The following UBN1 variants were observed in gnomAD, a reference collection of about 807,000 sequenced individuals.
The protein encoded by UBN1 is ubinuclein-1.
UBN1 carries 17 observed loss-of-function variants against 108.5 expected under a neutral mutation model. That is an observed-to-expected ratio of 0.16 (90% CI 0.11 to 0.24). UBN1 has a LOEUF of 0.24. Ranked by LOEUF, UBN1 falls within the 10% of genes least tolerant of loss-of-function variation. UBN1 has a pLI of 1.00. For missense variants in UBN1, 1,595 were observed against 1,394.4 expected (o/e 1.14, Z -2.29); for synonymous variants, 726 against 564.2 (o/e 1.29, Z -4.07).
At position 4,860,073 on chromosome 16, in the gene UBN1, G is replaced by A. The variant is rs960453909; in HGVS notation, c.671+105G>A. 2.9e-5 allele frequency: 43 copies of A among 1,470,532 alleles called. No homozygotes were observed. The African/African-American group carries it at 4.1e-4, about 14-fold the overall frequency. The allele number at this position is 1,470,532 out of a possible 1,614,324, so 91.1% of individuals were successfully genotyped here. A position where few individuals can be genotyped will look rare whatever the true frequency, so the allele number is the denominator to read the frequency against. ...CCACAGCTTCGGAAGAGGCAGCAGG[G>A]CCTGGCCTTCCTGTCCTCCCGCACG... is the stretch of plus-strand genomic sequence containing the variant. On this transcript the variant is annotated intron_variant, in intron 6 of 17. Coordinates refer to ENST00000262376, the MANE Select transcript of UBN1 (RefSeq NM_001079514.3).
Position 4,874,202 on chromosome 16 carries a change from T to G in UBN1, c.1801-9T>G. 3 of 1,536,204 alleles carry G rather than the reference T, an allele frequency of 2.0e-6. No individual in the cohort carries two copies. In the Admixed American group the frequency reaches 6.3e-5, roughly 32 times the overall value. ...CTTTCTAAACATCAACATTTCTGTT[T>G]TCCTTTAGGAATCGTCTACGAAGCC... On this transcript the variant is annotated splice_polypyrimidine_tract_variant and intron_variant, in intron 14 of 17. Transcript: ENST00000262376.
In UBN1 at chr16:4,880,969, T is replaced by C. The variant is rs1018603743; in HGVS notation, c.*837T>C. 3.9e-5 allele frequency: 6 copies of C among 152,420 alleles called. No homozygotes were observed. Among genetic ancestry groups the C allele is most frequent in the Non-Finnish European group, 8.8e-5 (6 of 68,036 alleles). The allele number at this position is 152,420 out of a possible 1,614,324, so 9.4% of individuals were successfully genotyped here. A position where few individuals can be genotyped will look rare whatever the true frequency, so the allele number is the denominator to read the frequency against. On this transcript the variant is annotated 3_prime_UTR_variant, in exon 18 of 18. Coordinates refer to ENST00000262376, the MANE Select transcript of UBN1 (RefSeq NM_001079514.3). Reference sequence around the variant, plus strand: ...GAAGACCTTTTTAAAGATATGTCTGTATTGAAGAGAAAGCCAGTTTTGAGT... The same window carrying C: ...GAAGACCTTTTTAAAGATATGTCTGCATTGAAGAGAAAGCCAGTTTTGAGT...
chr16:4,870,359 G>A lies in UBN1; in HGVS notation c.1311+18G>A. ...ATGAACAGGTGGGTGACTCTAGAGT[G>A]AAGCCCTTTGGCTTTGGGGTCCTGG... On this transcript the variant is annotated intron_variant, in intron 9 of 17. Coordinates refer to ENST00000262376, the MANE Select transcript of UBN1 (RefSeq NM_001079514.3). 1 of 1,613,622 alleles carries A rather than the reference G, an allele frequency of 6.2e-7. No individual in the cohort carries two copies. Among genetic ancestry groups the A allele is most frequent in the South Asian group, 1.1e-5 (1 of 90,970 alleles).
chr16:4,869,869 C>T (rs529477593), intron 8 of UBN1, among the ~76,000 whole-genome samples: 3 of 152,144 alleles, frequency 2.0e-5, no homozygotes, highest in African/African-American at 2.4e-5. Context: ...GAAGTGTCTC[C>T]TTTGAACCCC....
chr16:4,868,777 G>T, intron 7 of UBN1, 56 bp from the exon 8 acceptor site: 1 of 1,576,654 alleles, frequency 6.3e-7, no homozygotes, highest in Non-Finnish European at 8.7e-7. Flanking sequence ...GTGGGTGAGC[G>T]TAAGGGACAT....
Position 4,880,171 on chromosome 16 carries a change from G to A in UBN1, c.*39G>A. 1 of 1,608,162 alleles carries A rather than the reference G, an allele frequency of 6.2e-7. No homozygotes were observed. Among genetic ancestry groups the A allele is most frequent in the Non-Finnish European group, 8.5e-7 (1 of 1,174,826 alleles). ...AAGGCTTGCCACTTGGGTCTGGGTG[G>A]AATCAGAACGTGCAGGTCTCCCAGG... is the stretch of plus-strand genomic sequence containing the variant. On this transcript the variant is annotated 3_prime_UTR_variant, in exon 18 of 18. Transcript: ENST00000262376.
Position 4,874,221 on chromosome 16 carries a change from C to T in UBN1, c.1811C>T (p.Thr604Met), listed in dbSNP as rs764346201. The change falls in exon 15 of 18, where the codon ACG (threonine) becomes ATG (methionine). Residue 604 changes from threonine to methionine, a missense_variant. Thr to Met is a moderately conservative substitution (Grantham distance 81, BLOSUM62 -1). This residue lies in a region of UBN1 where 1,398 missense variants were observed against 1,194.7 expected (regional missense o/e 1.17). Coordinates refer to ENST00000262376, the MANE Select transcript of UBN1 (RefSeq NM_001079514.3). ...TCTGTTTTCCTTTAGGAATCGTCTA[C>T]GAAGCCTGATAAAAAGGTTTCTGTC... is the stretch of plus-strand genomic sequence containing the variant. The part of the protein sequence containing the change: ...PSKIKVKESS[T>M]KPDKKVSVPS... 2.9e-5 allele frequency: 45 copies of T among 1,557,626 alleles called. No homozygotes were observed. In the African/African-American group the frequency reaches 5.0e-4, roughly 17 times the overall value.
Position 4,868,851 on chromosome 16 carries a change from G to A in UBN1, c.1129G>A (p.Gly377Arg), listed in dbSNP as rs748116764. The A allele has an allele frequency of 1.2e-6, 2 of 1,613,904 alleles. No individual in the cohort carries two copies. Among genetic ancestry groups the A allele is most frequent in the South Asian group, 2.2e-5 (2 of 91,074 alleles). The change falls in exon 8 of 18, where the codon GGG becomes AGG. Residue 377 changes from glycine (G) to arginine (R), a missense_variant. Gly to Arg is a moderately radical substitution (Grantham distance 125). Coordinates refer to ENST00000262376, the MANE Select transcript of UBN1 (RefSeq NM_001079514.3). ...ELAQAARAAE[G>R]ESRQKFFTQD... ...GCACCAGGCTGCCAGAGCTGCTGAG[G>A]GGGAGAGCAGACAGAAGTTCTTCAC...
intron 5 of UBN1, among the ~76,000 whole-genome samples, chr16:4,859,395 G>T (rs1366662493): frequency 6.6e-6 from 1 of 152,192 alleles, no homozygotes; most frequent in Non-Finnish European, 1.5e-5. Context: ...CATCCCAGCA[G>T]GCTCAGCAGG....
chr16:4,877,070 C>T lies in UBN1; in HGVS notation c.3224C>T (p.Thr1075Ile). Residue 1075 changes from threonine to isoleucine, a missense_variant, in exon 16 of 18, where the codon ACA (threonine) becomes ATA (isoleucine). Around this residue, in one of 3 missense-constraint regions of UBN1, gnomAD observed 1,398 missense variants for 1,194.7 expected, o/e 1.17. Coordinates refer to ENST00000262376, the MANE Select transcript of UBN1 (RefSeq NM_001079514.3). The surrounding 1 kb of genome is among the most constrained non-coding windows in gnomAD (Gnocchi z 4.3). ...GGGGTCTCCAAGGATGCCATCGTCA[C>T]AGGCCCTGCCCCCGGGTCCTTCCAC... ...KAGVSKDAIVTGPAPGSFHHG... is the reference protein window; with the variant it reads ...KAGVSKDAIVIGPAPGSFHHG... The T allele has an allele frequency of 1.2e-6, 2 of 1,613,962 alleles. No homozygotes were observed. Among genetic ancestry groups the T allele is most frequent in the Non-Finnish European group, 1.7e-6 (2 of 1,179,908 alleles).
intron 7 of UBN1, among the ~76,000 whole-genome samples, chr16:4,866,088 G>T (rs2087316454): frequency 6.6e-6 from 1 of 152,192 alleles, no homozygotes; most frequent in African/African-American, 2.4e-5. Context: ...TAATGTAAGG[G>T]TGCTTCTCGA....
Position 4,870,219 on chromosome 16 carries a change from G to A in UBN1, c.1189G>A (p.Ala397Thr). The A allele has an allele frequency of 1.9e-6, 3 of 1,614,246 alleles. No homozygotes were observed. The highest frequency in any genetic ancestry group is 1.7e-5 in the Admixed American group (1 of 60,028). The change falls in exon 9 of 18, where the codon GCG becomes ACG. Residue 397 changes from alanine to threonine, a missense_variant. By Grantham distance (58) the Ala-to-Thr change is moderately conservative. Transcript: ENST00000262376. ...DINGILLDIEAQTRELSSQVR... is the reference protein window; with the variant it reads ...DINGILLDIETQTRELSSQVR... ...CTGTGTTTTGTTCTTCAGCATAGAGGCGCAGACTCGGGAGCTGAGCAGTCA... is the reference window on the plus strand; with the variant it reads ...CTGTGTTTTGTTCTTCAGCATAGAGACGCAGACTCGGGAGCTGAGCAGTCA...
chr16:4,850,548 G>A (rs1316262186), intron 1 of UBN1, among the ~76,000 whole-genome samples: 1 of 152,158 alleles, frequency 6.6e-6, no homozygotes, highest in Non-Finnish European at 1.5e-5. Context: ...ATATCCTGAG[G>A]GCCTTGGAGA....
rs751842571 is a variant in UBN1, at chr16:4,849,949, CA to C, written c.-40+1756del. On this transcript the variant is annotated intron_variant, in intron 1 of 17. Transcript: ENST00000262376. ...CAACAGGAGTGAGGCAACTGTCTCA[CA>C]AAAAAAAAAAAAAAAACCACAAAAA... is the stretch of plus-strand genomic sequence containing the variant. Among the ~76,000 whole-genome samples the C allele has an allele frequency of 1.2e-3, 84 of 72,186 alleles. 1 individual carries two copies. The highest frequency in any genetic ancestry group is 3.5e-3 in the South Asian group (6 of 1,706). The allele number at this position is 72,186 out of a possible 152,430, so 47.4% of individuals were successfully genotyped here.
chr16:4,880,381 G>A lies in UBN1; in HGVS notation c.*249G>A. 1 of 505,432 alleles carries A rather than the reference G, an allele frequency of 2.0e-6. No homozygotes were observed. Among genetic ancestry groups the A allele is most frequent in the East Asian group, 3.2e-5 (1 of 31,006 alleles). The allele number at this position is 505,432 out of a possible 1,614,324, so 31.3% of individuals were successfully genotyped here. A position where few individuals can be genotyped will look rare whatever the true frequency, so the allele number is the denominator to read the frequency against. ...GCTCTGTCGCTAGACGGTTGTTAGA[G>A]GGGCAGCTCTAGGCTGGGGCTTGCG... On this transcript the variant is annotated 3_prime_UTR_variant, in exon 18 of 18. Coordinates refer to ENST00000262376, the MANE Select transcript of UBN1 (RefSeq NM_001079514.3).
intron 3 of UBN1, 128 bp from the exon 4 acceptor site, chr16:4,858,440 G>A: frequency 1.3e-6 from 1 of 776,784 alleles, no homozygotes; most frequent in South Asian, 1.7e-5. Flanking sequence ...GGGTTTGTGT[G>A]TATGTGAGAG....
intron 10 of UBN1, 86 bp downstream of exon 10, chr16:4,870,720 A>G (rs751456656): frequency 2.1e-5 from 33 of 1,587,534 alleles, no homozygotes; most frequent in Non-Finnish European, 2.4e-5. Context: ...CCGTTTCCCA[A>G]GGAGCCTCTT....
intron 7 of UBN1, among the ~76,000 whole-genome samples, chr16:4,867,523 C>G (rs182466868): frequency 6.6e-6 from 1 of 152,148 alleles, no homozygotes; most frequent in East Asian, 1.9e-4. Flanking sequence ...GGAAATTTCT[C>G]AGAGATAACT....
At chr16:4,878,059 C>T (rs192010119) in intron 17 of UBN1, among the ~76,000 whole-genome samples, 137 of 152,212 alleles carry the variant, frequency 9.0e-4, no homozygotes, top group Middle Eastern at 3.4e-3. Flanking sequence ...GGCATGTGGT[C>T]GGTGCTCCCC....
Sources: gnomAD v4.1 joint callset for allele counts (sites outside exome capture counted in the v4.1 genomes callset) on GRCh38, gnomAD v4.1.1 for gene constraint, gnomAD v4.1.1 regional missense constraint, Gnocchi (gnomAD v3.1) non-coding constraint, MANE v1.5 for transcripts, NCBI Gene and HGNC (gene_info 2026-07-23, HGNC 2026-07-21) for gene names.